SEPTIN3: variants seen among roughly 807,000 people sequenced by gnomAD.
SEPTIN3 encodes neuronal-specific septin-3.
SEPTIN3 carries 15 observed loss-of-function variants against 45.1 expected under a neutral mutation model. That is an observed-to-expected ratio of 0.33 (90% CI 0.22 to 0.51). The LOEUF (loss-of-function observed/expected upper bound fraction) is 0.51, where lower values mean the gene tolerates loss of function less well. Ranked by LOEUF, SEPTIN3 falls within the 20% of genes least tolerant of loss-of-function variation. The probability of loss-of-function intolerance (pLI) is 0.97; values close to 1 mark genes in which losing one functional copy is unlikely to be tolerated. For synonymous variants in SEPTIN3, 148 were observed against 164.8 expected, an observed-to-expected ratio of 0.90 and a Z score of 0.78; for missense variants, 289 against 457.2, an observed-to-expected ratio of 0.63 and a Z score of 3.35.
rs1921017847 is a variant in SEPTIN3, at chr22:41,997,723, C to T, written c.*756C>T. 6.5e-6 allele frequency: 1 copy of T among 152,688 alleles called. No homozygotes were observed. The highest frequency in any genetic ancestry group is 6.5e-5 in the Admixed American group (1 of 15,294). The allele number at this position is 152,688 out of a possible 1,614,324, so 9.5% of individuals were successfully genotyped here. A position where few individuals can be genotyped will look rare whatever the true frequency, so the allele number is the denominator to read the frequency against. ...GGAAAAACTAGCACCCTTCTGTCCA[C>T]TCAGCAATAAGAGGGATCTCTTCCC... On this transcript the variant is annotated 3_prime_UTR_variant, in exon 12 of 12. Transcript: ENST00000644076.
chr22:41,981,832 C>G lies in SEPTIN3; in HGVS notation c.1692C>G (p.Val564=), dbSNP rs199886508. The stretch of plus-strand genomic sequence containing the variant: ...CCGGTTTCGACTTCAACATCATGGT[C>G]GTTGGTACGGAAGGCTGTGGGGCTG... ...MKTGFDFNIM[V]VGQSGLGKST... Residue 564 remains valine (V), a synonymous_variant, in exon 3 of 12, where the codon GTC becomes GTG. Transcript: ENST00000644076. The G allele has an allele frequency of 4.3e-5, 70 of 1,613,122 alleles. No individual in the cohort carries two copies. Among genetic ancestry groups the G allele is most frequent in the Non-Finnish European group, 5.8e-5 (69 of 1,179,526 alleles).
Position 41,991,681 on chromosome 22 carries a change from G to C in SEPTIN3, c.2259+13G>C. 1.3e-6 allele frequency: 2 copies of C among 1,558,660 alleles called. No homozygotes were observed. Among genetic ancestry groups the C allele is most frequent in the Non-Finnish European group, 1.8e-6 (2 of 1,129,622 alleles). ...TGACAAAATCAGGGTGGGTGCCTGG[G>C]GCACTGCTCCTCCACTGATGCCCCC... On this transcript the variant is annotated intron_variant, in intron 8 of 11. Transcript: ENST00000644076.
intron 1 of SEPTIN3, among the ~76,000 whole-genome samples, chr22:41,970,654 A>G (rs1323429459): frequency 6.6e-6 from 1 of 152,158 alleles, no homozygotes; most frequent in African/African-American, 2.4e-5. Flanking sequence ...ATTTTCAGAA[A>G]GATGCCACAC....
At chr22:41,986,779 G>A (rs1244526998) in intron 4 of SEPTIN3, among the ~76,000 whole-genome samples, 1 of 152,086 alleles carries the variant, frequency 6.6e-6, no homozygotes, top group African/African-American at 2.4e-5. Context: ...GGGATAACAG[G>A]CGTGAGCAAC....
chr22:41,994,075 G>T lies in SEPTIN3; in HGVS notation c.2360-215G>T, dbSNP rs1449056699. ...CTTGGCTATTATGCCACAGCGTCTA[G>T]AAGGATGTCGTGCCCATTGTAGCTG... is the stretch of plus-strand genomic sequence containing the variant. On this transcript the variant is annotated intron_variant, in intron 9 of 11. Transcript: ENST00000644076. The surrounding 1 kb of genome is among the most constrained non-coding windows in gnomAD (Gnocchi z 4.2). Among the ~76,000 whole-genome samples the T allele has an allele frequency of 6.6e-6, 1 of 152,182 alleles. No individual in the cohort carries two copies. Among genetic ancestry groups the T allele is most frequent in the Non-Finnish European group, 1.5e-5 (1 of 68,032 alleles).
In SEPTIN3 at chr22:41,994,891, G is replaced by C. The variant is rs1201301611; in HGVS notation, c.2505+177G>C. 7.5e-7 allele frequency: 1 copy of C among 1,329,266 alleles called. No homozygotes were observed. Among genetic ancestry groups the C allele is most frequent in the African/African-American group, 1.6e-5 (1 of 62,364 alleles). The allele number at this position is 1,329,266 out of a possible 1,614,324, so 82.3% of individuals were successfully genotyped here. A position where few individuals can be genotyped will look rare whatever the true frequency, so the allele number is the denominator to read the frequency against. ...TTTGTGGAGCATCTTGTCTGTGTGT[G>C]TGTGTGTGTGTGTGTGTGTGTGTGT... On this transcript the variant is annotated intron_variant, in intron 11 of 11. Coordinates refer to ENST00000644076, the MANE Select transcript of SEPTIN3 (RefSeq NM_001363845.2). This position sits in a 1 kb window ranked among gnomAD's most constrained non-coding sequence, Gnocchi z 4.2.
chr22:41,990,349 C>A (rs1327606402), intron 7 of SEPTIN3, among the ~76,000 whole-genome samples: 1 of 151,606 alleles, frequency 6.6e-6, no homozygotes. Flanking sequence ...CCACCGTGCC[C>A]AGCCCTCACT....
intron 2 of SEPTIN3, among the ~76,000 whole-genome samples, chr22:41,979,518 C>T (rs542116012): frequency 1.0e-3 from 156 of 152,268 alleles, no homozygotes; most frequent in African/African-American, 3.7e-3. Flanking sequence ...GGGCATTGGT[C>T]CCAGTGCAGG....
intron 6 of SEPTIN3, 143 bp downstream of exon 6, chr22:41,987,902 A>C (rs1307662226): frequency 1.3e-6 from 1 of 768,166 alleles, no homozygotes; most frequent in African/African-American, 1.7e-5. Context: ...GTTGGTACAT[A>C]GTCATGGCCC....
intron 11 of SEPTIN3, chr22:41,996,642 C>G: frequency 7.0e-6 from 9 of 1,287,622 alleles, no homozygotes; most frequent in Non-Finnish European, 8.9e-6. Flanking sequence ...CAGGACAGAA[C>G]AGCAGCAGCG....
chr22:41,995,362 T>C lies in SEPTIN3; in HGVS notation c.2505+648T>C, dbSNP rs958842475. 8 of 987,714 alleles carry C rather than the reference T, an allele frequency of 8.1e-6. No individual in the cohort carries two copies. In the African/African-American group the frequency reaches 1.2e-4, roughly 15 times the overall value. 61.2% of individuals were successfully genotyped at this position (987,714 alleles called of 1,614,324 possible). A position where few individuals can be genotyped will look rare whatever the true frequency, so the allele number is the denominator to read the frequency against. ...TGCAGAAAGCATCAGTGCCTACAAA[T>C]GGAGCTCCACCCTTCAGTCTGTGTC... On this transcript the variant is annotated intron_variant, in intron 11 of 11. Coordinates refer to ENST00000644076, the MANE Select transcript of SEPTIN3 (RefSeq NM_001363845.2).
At chr22:41,982,951 T>C (rs1444201114) in intron 3 of SEPTIN3, among the ~76,000 whole-genome samples, 1 of 151,728 alleles carries the variant, frequency 6.6e-6, no homozygotes, top group African/African-American at 2.4e-5. Flanking sequence ...CTCAGTGAGA[T>C]GTCCAGTCAG....
At chr22:41,983,847 T>C (rs1306000814) in intron 3 of SEPTIN3, among the ~76,000 whole-genome samples, 1 of 152,226 alleles carries the variant, frequency 6.6e-6, no homozygotes, top group Non-Finnish European at 1.5e-5. Flanking sequence ...TCTGCTTATG[T>C]TTTGGTCACT....
At chr22:41,979,043 C>A (rs1199565980) in intron 2 of SEPTIN3, among the ~76,000 whole-genome samples, 1 of 152,162 alleles carries the variant, frequency 6.6e-6, no homozygotes, top group Non-Finnish European at 1.5e-5. Context: ...ATGTGACTGG[C>A]ATGTCACTGG....
Position 41,994,445 on chromosome 22 carries a change from G to C in SEPTIN3, c.2411+104G>C. The C allele has an allele frequency of 6.6e-7, 1 of 1,508,804 alleles. No homozygotes were observed. 93.5% of individuals were successfully genotyped at this position (1,508,804 alleles called of 1,614,324 possible). ...CCTGCATCTCCAGGTCTCTCTGACA[G>C]AGCTTTCTGCCCCAGTTCCAGCTCC... On this transcript the variant is annotated intron_variant, in intron 10 of 11. Transcript: ENST00000644076. The surrounding 1 kb of genome is among the most constrained non-coding windows in gnomAD (Gnocchi z 4.2).
intron 2 of SEPTIN3, among the ~76,000 whole-genome samples, chr22:41,975,945 C>T (rs578261369): frequency 1.3e-5 from 2 of 152,324 alleles, no homozygotes; most frequent in South Asian, 4.1e-4. Context: ...TCCAAGGCTG[C>T]GTGCGGACTT....
At chr22:41,986,793 G>A (rs133293) in intron 4 of SEPTIN3, among the ~76,000 whole-genome samples, 64,336 of 151,514 alleles carry the variant, frequency 0.42, 14,819 homozygotes, top group East Asian at 0.85. Context: ...GAGCAACCAC[G>A]CCCGGCCCGA....
intron 11 of SEPTIN3, chr22:41,996,503 T>C (rs1371800749): frequency 2.0e-6 from 2 of 1,002,348 alleles, no homozygotes; most frequent in African/African-American, 1.7e-5. Context: ...CAAGATTCAA[T>C]GGACCAGGAG....
intron 11 of SEPTIN3, chr22:41,995,848 G>A (rs1415181402): frequency 1.1e-5 from 10 of 878,210 alleles, no homozygotes; most frequent in Non-Finnish European, 1.2e-5. Flanking sequence ...AAGCACACAT[G>A]CTAGTCATGT....
Sources: allele counts gnomAD v4.1 joint callset (sites outside exome capture counted in the v4.1 genomes callset), GRCh38; gene constraint gnomAD v4.1.1; non-coding constraint Gnocchi (gnomAD v3.1); transcripts MANE v1.5; gene names NCBI Gene and HGNC (gene_info 2026-07-23, HGNC 2026-07-21).